NLGN1: variants seen among roughly 807,000 people sequenced by gnomAD.
NLGN1 encodes neuroligin 1.
NLGN1 carries 12 observed loss-of-function variants against 65.5 expected under a neutral mutation model. The observed-to-expected ratio is 0.18, with a 90% CI of 0.12 to 0.30. The LOEUF is 0.30. NLGN1 is among the 10% of genes least tolerant of loss of function. The pLI is 1.00. For synonymous variants in NLGN1, 350 were observed against 359.5 expected (o/e 0.97, Z 0.30); for missense variants, 750 against 1,007.1 (o/e 0.74, Z 3.46).
chr3:174,275,322 G>A, exon 5 of NLGN1: 2 of 1,611,210 alleles, frequency 1.2e-6, no homozygotes, highest in Non-Finnish European at 1.7e-6. Context: ...CAGGTTTCTT[G>A]AGTACAGGCG....
intron 1 of NLGN1, among the ~76,000 whole-genome samples, chr3:173,430,692 G>A (rs73883131): frequency 6.6e-6 from 1 of 152,156 alleles, no homozygotes; most frequent in Non-Finnish European, 1.5e-5. Flanking sequence ...TGCCCTCATG[G>A]CTTAGTGGCA....
At chr3:173,816,953 A>G (rs1028128023) in intron 4 of NLGN1, among the ~76,000 whole-genome samples, 15 of 152,326 alleles carry the variant, frequency 9.8e-5, no homozygotes, top group African/African-American at 3.6e-4. Context: ...ATCATCCCTG[A>G]TTATCTTCTG....
chr3:173,454,376 C>T (rs1196522847), intron 2 of NLGN1, among the ~76,000 whole-genome samples: 1 of 152,206 alleles, frequency 6.6e-6, no homozygotes, highest in African/African-American at 2.4e-5. Flanking sequence ...TTGAAGCCTA[C>T]AAGCCAGGCA....
intron 2 of NLGN1, among the ~76,000 whole-genome samples, chr3:173,561,331 ATG>A (rs1198782095): frequency 6.6e-6 from 1 of 152,130 alleles, no homozygotes; most frequent in Non-Finnish European, 1.5e-5. Flanking sequence ...TTGGTTCCAT[ATG>A]TGGTTGTGAT....
At chr3:173,750,214 C>G (rs1776129599) in intron 3 of NLGN1, among the ~76,000 whole-genome samples, 1 of 152,058 alleles carries the variant, frequency 6.6e-6, no homozygotes, top group Non-Finnish European at 1.5e-5. Flanking sequence ...TCCCTTATAG[C>G]CCTGCTCATT....
intron 4 of NLGN1, among the ~76,000 whole-genome samples, chr3:173,862,292 G>T (rs1001681253): frequency 2.1e-4 from 32 of 151,198 alleles, no homozygotes; most frequent in African/African-American, 5.8e-4. Context: ...GGATCACGAG[G>T]TCGGGAGATC....
chr3:174,269,390 T>C (rs1030751650), intron 4 of NLGN1, among the ~76,000 whole-genome samples: 3 of 151,968 alleles, frequency 2.0e-5, no homozygotes, highest in African/African-American at 7.2e-5. Flanking sequence ...GTTTCTATGA[T>C]TGTGACTACT....
chr3:173,752,137 G>A lies in NLGN1; in HGVS notation c.494-55543G>A, dbSNP rs140200359. On this transcript the variant is annotated intron_variant, in intron 3 of 6. Transcript: ENST00000457714. ...GATTCTCAAAATTGTGTTCACAAAT[G>A]TAAGTTATTTCCAGGATTATTGTAA... is the stretch of plus-strand genomic sequence containing the variant. Among the ~76,000 whole-genome samples the A allele has an allele frequency of 2.3e-3, 347 of 152,208 alleles. 2 individuals are homozygous for A. The highest frequency in any genetic ancestry group is 7.8e-3 in the African/African-American group (323 of 41,560).
intron 4 of NLGN1, among the ~76,000 whole-genome samples, chr3:173,824,816 A>C (rs1013047215): frequency 2.0e-5 from 3 of 152,072 alleles, no homozygotes; most frequent in Non-Finnish European, 4.4e-5. Flanking sequence ...TGATTTAGTG[A>C]CGTTGTGTAC....
At chr3:173,939,993 T>C (rs1205469471) in intron 4 of NLGN1, among the ~76,000 whole-genome samples, 1 of 151,792 alleles carries the variant, frequency 6.6e-6, no homozygotes, top group African/African-American at 2.4e-5. Context: ...CTAAAACTTA[T>C]GTTTCAGGCA....
At chr3:174,026,506 A>T (rs1056810865) in intron 4 of NLGN1, among the ~76,000 whole-genome samples, 1 of 152,190 alleles carries the variant, frequency 6.6e-6, no homozygotes, top group Admixed American at 6.5e-5. Flanking sequence ...GTGAAAAAAA[A>T]TAGTTCAAAT....
At chr3:173,795,456 A>G (rs1013743204) in intron 3 of NLGN1, among the ~76,000 whole-genome samples, 11 of 152,146 alleles carry the variant, frequency 7.2e-5, no homozygotes, top group African/African-American at 2.7e-4. Context: ...TTGAATAAAT[A>G]TAGTAATATC....
chr3:173,850,702 T>G (rs1726751068), intron 4 of NLGN1, among the ~76,000 whole-genome samples: 1 of 152,220 alleles, frequency 6.6e-6, no homozygotes, highest in African/African-American at 2.4e-5. Flanking sequence ...ATTTCTAAAT[T>G]ATTTTTTCCA....
At chr3:174,164,592 C>A (rs1445876337) in intron 4 of NLGN1, among the ~76,000 whole-genome samples, 1 of 152,002 alleles carries the variant, frequency 6.6e-6, no homozygotes, top group Non-Finnish European at 1.5e-5. Flanking sequence ...GCAAGCTAAT[C>A]CAGCAATATT....
chr3:174,143,749 C>G (rs1722706041), intron 4 of NLGN1, among the ~76,000 whole-genome samples: 1 of 152,086 alleles, frequency 6.6e-6, no homozygotes, highest in South Asian at 2.1e-4. Flanking sequence ...TTTCTTCCAT[C>G]AGACACAAGT....
At chr3:173,987,728 G>T (rs772496948) in intron 4 of NLGN1, among the ~76,000 whole-genome samples, 5 of 152,116 alleles carry the variant, frequency 3.3e-5, no homozygotes, top group Non-Finnish European at 7.4e-5. Context: ...ACCCAGTTCT[G>T]CCCTGTAGTT....
At chr3:173,824,137 A>G (rs1299728806) in intron 4 of NLGN1, among the ~76,000 whole-genome samples, 1 of 152,088 alleles carries the variant, frequency 6.6e-6, no homozygotes, top group Non-Finnish European at 1.5e-5. Flanking sequence ...TGTTAATCAC[A>G]GTATATTTAA....
chr3:173,949,777 A>G (rs1007118703), intron 4 of NLGN1, among the ~76,000 whole-genome samples: 2 of 152,198 alleles, frequency 1.3e-5, no homozygotes, highest in African/African-American at 4.8e-5. Flanking sequence ...TGAGTTTACC[A>G]GTGTTGCTGG....
intron 4 of NLGN1, among the ~76,000 whole-genome samples, chr3:174,197,518 CAA>C (rs10663769): frequency 6.0e-5 from 6 of 100,384 alleles, no homozygotes; most frequent in Admixed American, 1.1e-4. Flanking sequence ...TACTTAACCT[CAA>C]AAAAAAAAAA....
Sources: gnomAD v4.1 joint callset for allele counts (sites outside exome capture counted in the v4.1 genomes callset) on GRCh38, gnomAD v4.1.1 for gene constraint, MANE v1.5 for transcripts, NCBI Gene and HGNC (gene_info 2026-07-23, HGNC 2026-07-21) for gene names.